The following IL1RAPL2 variants were observed in gnomAD, a reference collection of about 807,000 sequenced individuals.
The protein encoded by IL1RAPL2 is interleukin 1 receptor accessory protein like 2, also known as X-linked interleukin-1 receptor accessory protein-like 2.
A neutral mutation model predicts 44.1 loss-of-function variants in IL1RAPL2; 3 were observed. The observed-to-expected ratio is 0.07, with a 90% confidence interval of 0.03 to 0.18. The LOEUF is 0.18. Ranked by LOEUF, IL1RAPL2 falls within the 10% of genes least tolerant of loss-of-function variation. IL1RAPL2 has a pLI of 1.00. For synonymous variants in IL1RAPL2, 181 were observed against 178.8 expected, an observed-to-expected ratio of 1.01 and a Z score of -0.10; for missense variants, 391 against 496.4, an observed-to-expected ratio of 0.79 and a Z score of 2.02.
At chrX:104,920,253 CCT>C (rs756144702) in intron 2 of IL1RAPL2, among the ~76,000 whole-genome samples, 2 of 111,274 alleles carry the variant, frequency 1.8e-5, no homozygotes, top group African/African-American at 3.3e-5. Context: ...CACTTTTTCC[CCT>C]GATTCACCTT....
At chrX:105,342,273 A>G (rs2035077441) in intron 5 of IL1RAPL2, among the ~76,000 whole-genome samples, 1 of 110,705 alleles carries the variant, frequency 9.0e-6, no homozygotes, top group Non-Finnish European at 1.9e-5. Flanking sequence ...ACAAACCTGC[A>G]CGTTGTGCAC....
chrX:105,621,143 C>T (rs1308187078), intron 6 of IL1RAPL2, among the ~76,000 whole-genome samples: 2 of 111,461 alleles, frequency 1.8e-5, no homozygotes, highest in African/African-American at 6.5e-5. Flanking sequence ...CTCATTCTTT[C>T]GGCTCCCAAG....
chrX:104,833,407 A>T (rs1456680160), intron 2 of IL1RAPL2, among the ~76,000 whole-genome samples: 2 of 112,487 alleles, frequency 1.8e-5, no homozygotes, highest in East Asian at 5.5e-4. Context: ...GATCACAAAG[A>T]AATCTTTTCA....
intron 5 of IL1RAPL2, among the ~76,000 whole-genome samples, chrX:105,308,921 C>T (rs2034773202): frequency 9.0e-6 from 1 of 111,668 alleles, no homozygotes; most frequent in South Asian, 3.7e-4. Context: ...GAGTTCCAGT[C>T]ACTCTATATC....
At chrX:104,855,680 C>CTTTTTT (rs1304044009) in intron 2 of IL1RAPL2, among the ~76,000 whole-genome samples, 1 of 53,778 alleles carries the variant, frequency 1.9e-5, no homozygotes, top group African/African-American at 6.3e-5. Context: ...GATCTGGATC[C>CTTTTTT]GTTTTTTTTT....
At chrX:105,545,932 T>C (rs988230483) in intron 6 of IL1RAPL2, among the ~76,000 whole-genome samples, 2 of 111,476 alleles carry the variant, frequency 1.8e-5, no homozygotes, top group African/African-American at 3.3e-5. Flanking sequence ...TCCAGAGTTA[T>C]GTTTATCCCA....
At chrX:104,917,156 C>T (rs1418810156) in intron 2 of IL1RAPL2, among the ~76,000 whole-genome samples, 1 of 111,682 alleles carries the variant, frequency 9.0e-6, no homozygotes, top group East Asian at 2.8e-4. Flanking sequence ...ACCAGCTCCT[C>T]TTTGTACCTC....
chrX:105,401,004 C>T (rs958646922), intron 5 of IL1RAPL2, among the ~76,000 whole-genome samples: 4 of 111,488 alleles, frequency 3.6e-5, no homozygotes, highest in African/African-American at 1.3e-4. Flanking sequence ...GTGCCTTCAG[C>T]ACTGTGTCCT....
intron 3 of IL1RAPL2, among the ~76,000 whole-genome samples, chrX:105,210,125 A>G (rs1240528505): frequency 1.8e-5 from 2 of 111,180 alleles, no homozygotes; most frequent in Non-Finnish European, 3.8e-5. Context: ...GCCTTGTCTA[A>G]CAGACACAAA....
intron 6 of IL1RAPL2, among the ~76,000 whole-genome samples, chrX:105,519,005 A>T (rs1450923701): frequency 9.0e-6 from 1 of 111,701 alleles, no homozygotes; most frequent in African/African-American, 3.3e-5. Flanking sequence ...ATCTAGTCTT[A>T]TACTATCATT....
At chrX:105,661,234 C>T in intron 6 of IL1RAPL2, among the ~76,000 whole-genome samples, 1 of 111,721 alleles carries the variant, frequency 9.0e-6, no homozygotes, top group East Asian at 2.8e-4. Context: ...GGGGATATAA[C>T]AATTATATTT....
chrX:105,406,404 G>A, intron 5 of IL1RAPL2: 1 of 1,075,392 alleles, frequency 9.3e-7, no homozygotes, highest in East Asian at 3.0e-5. Flanking sequence ...AGATTTTTTG[G>A]TATTGTCTCA....
At chrX:105,231,798 G>C (rs1189928706) in intron 3 of IL1RAPL2, among the ~76,000 whole-genome samples, 1 of 112,033 alleles carries the variant, frequency 8.9e-6, no homozygotes, top group East Asian at 2.8e-4. Context: ...TGTTGAGCTA[G>C]ATCATGTATG....
intron 6 of IL1RAPL2, among the ~76,000 whole-genome samples, chrX:105,716,422 G>C (rs756036755): frequency 5.4e-5 from 6 of 111,808 alleles, no homozygotes; most frequent in African/African-American, 1.9e-4. Flanking sequence ...GCCAAGAAAA[G>C]AGCAGTCATT....
At chrX:105,598,981 G>A (rs1257993671) in intron 6 of IL1RAPL2, among the ~76,000 whole-genome samples, 1 of 111,844 alleles carries the variant, frequency 8.9e-6, no homozygotes, top group Non-Finnish European at 1.9e-5. Flanking sequence ...GTTGCCCAGA[G>A]TAGGCATGAA....
intron 2 of IL1RAPL2, among the ~76,000 whole-genome samples, chrX:105,080,031 A>C (rs2032380751): frequency 8.9e-6 from 1 of 111,882 alleles, no homozygotes; most frequent in African/African-American, 3.3e-5. Flanking sequence ...CCTTCACCTG[A>C]TCTTTGATGG....
intron 3 of IL1RAPL2, among the ~76,000 whole-genome samples, chrX:105,213,087 C>G (rs2033821722): frequency 9.0e-6 from 1 of 110,719 alleles, no homozygotes; most frequent in Admixed American, 9.6e-5. Context: ...GTGATTGCCA[C>G]TCCTCTCCAG....
chrX:105,532,965 G>T lies in IL1RAPL2; in HGVS notation c.772+48578G>T, dbSNP rs961905955. 5.4e-5 allele frequency among the ~76,000 whole-genome samples: 6 copies of T among 110,799 alleles called. No individual in the cohort carries two copies. In the East Asian group the frequency reaches 1.7e-3, roughly 31 times the overall value. On this transcript the variant is annotated intron_variant, in intron 6 of 10. Transcript: ENST00000372582. Reference sequence around the variant, plus strand: ...CCAGCACTTTGGGAGGCCGAGGCGGGTGGATCACGAGGTCAGGATTTCGAG... The same window carrying T: ...CCAGCACTTTGGGAGGCCGAGGCGGTTGGATCACGAGGTCAGGATTTCGAG...
intron 2 of IL1RAPL2, among the ~76,000 whole-genome samples, chrX:104,682,970 TG>T (rs1335188000): frequency 8.9e-6 from 1 of 111,859 alleles, no homozygotes; most frequent in Non-Finnish European, 1.9e-5. Flanking sequence ...CTCTTATAAC[TG>T]CTAATTGCCA....
Sources: gnomAD v4.1 joint callset for allele counts (sites outside exome capture counted in the v4.1 genomes callset) on GRCh38, gnomAD v4.1.1 for gene constraint, MANE v1.5 for transcripts, NCBI Gene and HGNC (gene_info 2026-07-23, HGNC 2026-07-21) for gene names.